UGT1A8: variants seen among roughly 807,000 people sequenced by gnomAD.
UGT1A8 encodes UDP glucuronosyltransferase family 1 member A8.
Under a neutral mutation model 45.3 loss-of-function variants are expected in UGT1A8, and 39 were observed. The observed-to-expected ratio is 0.86, with a 90% CI of 0.67 to 1.12. UGT1A8 has a LOEUF of 1.12. UGT1A8 is among the 50% of genes most tolerant of loss of function. The pLI, the probability that UGT1A8 is intolerant of heterozygous loss-of-function variation, is 0.00. For synonymous variants in UGT1A8, 275 were observed against 249.2 expected (o/e 1.10, Z -0.97); for missense variants, 719 against 664.9 (o/e 1.08, Z -0.90).
intron 2 of UGT1A8, 57 bp from the exon 3 acceptor site, chr2:233,767,792 T>G (rs1011366406): frequency 1.2e-6 from 2 of 1,613,950 alleles, no homozygotes; most frequent in African/African-American, 1.3e-5. Context: ...ATAGCAGATT[T>G]GTTTTCTAAT....
intron 1 of UGT1A8, among the ~76,000 whole-genome samples, chr2:233,642,583 T>C (rs2073479262): frequency 6.6e-6 from 1 of 152,246 alleles, no homozygotes; most frequent in Admixed American, 6.5e-5. Context: ...TAGCAGACAT[T>C]CTTCAGTGTC....
chr2:233,659,350 G>A (rs1192307631), intron 1 of UGT1A8, among the ~76,000 whole-genome samples: 2 of 152,036 alleles, frequency 1.3e-5, no homozygotes, highest in Non-Finnish European at 2.9e-5. Context: ...TACCAATAAC[G>A]TAAATAGCCA....
intron 1 of UGT1A8, chr2:233,747,483 C>A (rs993277218): frequency 6.2e-7 from 1 of 1,608,496 alleles, no homozygotes; most frequent in Non-Finnish European, 8.5e-7. Context: ...TGAATTTGAT[C>A]GCCTTGTGCT....
At chr2:233,764,342 C>T (rs1016981784) in intron 1 of UGT1A8, among the ~76,000 whole-genome samples, 3 of 152,154 alleles carry the variant, frequency 2.0e-5, no homozygotes, top group Admixed American at 1.3e-4. Context: ...ATGGACTTCA[C>T]CTTTATTGAG....
intron 1 of UGT1A8, chr2:233,753,518 C>T (rs1032528502): frequency 5.9e-5 from 9 of 152,196 alleles, no homozygotes; most frequent in Non-Finnish European, 1.0e-4. Flanking sequence ...AGTTGTTGCC[C>T]TTTTGCTCTC....
chr2:233,681,938 A>T (rs1005355336), intron 1 of UGT1A8: 1 of 1,611,860 alleles, frequency 6.2e-7, no homozygotes, highest in Admixed American at 1.7e-5. Flanking sequence ...AAGTTCTCTG[A>T]TGGCTCGTGC....
chr2:233,636,841 T>C (rs1306760779), intron 1 of UGT1A8: 1 of 1,614,224 alleles, frequency 6.2e-7, no homozygotes, highest in South Asian at 1.1e-5. Context: ...AAGTATATTT[T>C]CTCTATTAAT....
intron 1 of UGT1A8, among the ~76,000 whole-genome samples, chr2:233,694,854 G>A (rs1014624976): frequency 6.6e-6 from 1 of 152,100 alleles, no homozygotes; most frequent in African/African-American, 2.4e-5. Context: ...CTTTTAATTG[G>A]GACATAATAT....
intron 1 of UGT1A8, among the ~76,000 whole-genome samples, chr2:233,669,357 C>T (rs148869478): frequency 5.3e-5 from 8 of 151,974 alleles, no homozygotes; most frequent in Non-Finnish European, 1.0e-4. Flanking sequence ...AAAAGATAGC[C>T]TGCTGGAATT....
rs532756025 is a variant in UGT1A8, at chr2:233,692,941, A to C, written c.856-74093A>C. ...AGTGGTTAGTTTAGGGAAAATACCT[A>C]GGAGCCCTGTGATTTGGAGAGTGAA... On this transcript the variant is annotated intron_variant, in intron 1 of 4. Coordinates refer to ENST00000373450, the MANE Select transcript of UGT1A8 (RefSeq NM_019076.5). The C allele has an allele frequency of 2.0e-5, 32 of 1,595,742 alleles. No individual in the cohort carries two copies. In the South Asian group the frequency reaches 3.5e-4, roughly 17 times the overall value.
intron 1 of UGT1A8, among the ~76,000 whole-genome samples, chr2:233,736,165 G>T (rs533285485): frequency 6.6e-6 from 1 of 152,206 alleles, no homozygotes; most frequent in Non-Finnish European, 1.5e-5. Flanking sequence ...CGTAGATTTG[G>T]TCTTTCCACA....
chr2:233,739,588 C>T (rs1487878859), intron 1 of UGT1A8, among the ~76,000 whole-genome samples: 1 of 152,180 alleles, frequency 6.6e-6, no homozygotes, highest in Non-Finnish European at 1.5e-5. Context: ...TTGCATGGGG[C>T]CTATAGCCCC....
At chr2:233,661,318 C>A (rs776836823) in intron 1 of UGT1A8, among the ~76,000 whole-genome samples, 1 of 152,064 alleles carries the variant, frequency 6.6e-6, no homozygotes, top group Non-Finnish European at 1.5e-5. Context: ...GCTGTGCACA[C>A]CATGGTGCTG....
chr2:233,710,959 TG>T (rs2076155501), intron 1 of UGT1A8, among the ~76,000 whole-genome samples: 1 of 152,232 alleles, frequency 6.6e-6, no homozygotes, highest in Non-Finnish European at 1.5e-5. Context: ...TCTCTGAGAT[TG>T]GCAGAGGGGA....
At chr2:233,677,499 G>A (rs2074392259) in intron 1 of UGT1A8, among the ~76,000 whole-genome samples, 1 of 152,058 alleles carries the variant, frequency 6.6e-6, no homozygotes, top group African/African-American at 2.4e-5. Context: ...TATGTTATTA[G>A]TATTATATCC....
chr2:233,654,960 G>A (rs1324359877), intron 1 of UGT1A8, among the ~76,000 whole-genome samples: 4 of 152,028 alleles, frequency 2.6e-5, no homozygotes, highest in Non-Finnish European at 5.9e-5. Context: ...AGTGTATGGC[G>A]GGCATCTGTA....
intron 1 of UGT1A8, chr2:233,760,232 C>T: frequency 1.4e-6 from 2 of 1,429,080 alleles, no homozygotes; most frequent in South Asian, 2.6e-5. Flanking sequence ...TTGGTTTTTG[C>T]CATATATATA....
chr2:233,731,474 C>T (rs1441120863), intron 1 of UGT1A8, among the ~76,000 whole-genome samples: 3 of 152,238 alleles, frequency 2.0e-5, no homozygotes, highest in Middle Eastern at 3.4e-3. Context: ...TGTGATGTTC[C>T]CTGGCCTGTG....
intron 1 of UGT1A8, chr2:233,752,610 TTAGC>T (rs1306337132): frequency 1.3e-5 from 2 of 152,180 alleles, no homozygotes; most frequent in Non-Finnish European, 2.9e-5. Flanking sequence ...TAAAAAAACA[TTAGC>T]TAGGTGTGGT....
Sources: gnomAD v4.1 joint callset for allele counts (sites outside exome capture counted in the v4.1 genomes callset) on GRCh38, gnomAD v4.1.1 for gene constraint, MANE v1.5 for transcripts, NCBI Gene and HGNC (gene_info 2026-07-23, HGNC 2026-07-21) for gene names.